Variants in ZCCHC7 observed in about 807,000 individuals in gnomAD.
ZCCHC7 encodes the protein zinc finger CCHC-type containing 7.
In ZCCHC7, 35 loss-of-function variants were observed where a neutral mutation model predicts 52.0. The ratio of observed to expected loss-of-function variants is 0.67; its 90% confidence interval spans 0.51 to 0.89. The LOEUF is 0.89. ZCCHC7 is among the 40% of genes least tolerant of loss of function. The pLI is 0.00. For missense variants in ZCCHC7, 574 were observed against 649.1 expected (o/e 0.88, Z 1.26); for synonymous variants, 217 against 221.5 (o/e 0.98, Z 0.18).
chr9:37,347,069 C>A (rs1821028116), intron 6 of ZCCHC7, among the ~76,000 whole-genome samples: 1 of 152,130 alleles, frequency 6.6e-6, no homozygotes. Flanking sequence ...ATAAAGTGAT[C>A]CACGTTTAAG....
chr9:37,220,567 A>G (rs1038680879), intron 2 of ZCCHC7, among the ~76,000 whole-genome samples: 1 of 152,152 alleles, frequency 6.6e-6, no homozygotes, highest in Non-Finnish European at 1.5e-5. Context: ...AGGGCATCAC[A>G]TGATATTGCC....
chr9:37,183,962 A>G (rs1329927079), intron 2 of ZCCHC7, among the ~76,000 whole-genome samples: 1 of 152,154 alleles, frequency 6.6e-6, no homozygotes. Context: ...AGCTCCTTCT[A>G]TGGCCTTGAG....
intron 2 of ZCCHC7, among the ~76,000 whole-genome samples, chr9:37,149,345 T>C (rs558645481): frequency 1.6e-4 from 25 of 152,318 alleles, no homozygotes; most frequent in African/African-American, 6.0e-4. Context: ...AGAATATCTG[T>C]ATTGAATATC....
intron 6 of ZCCHC7, among the ~76,000 whole-genome samples, chr9:37,331,781 C>G (rs925586098): frequency 6.6e-6 from 1 of 151,410 alleles, no homozygotes; most frequent in East Asian, 1.9e-4. Context: ...CTGAGAGGTC[C>G]TTGGCTACAT....
intron 2 of ZCCHC7, among the ~76,000 whole-genome samples, chr9:37,134,034 A>C (rs938872285): frequency 2.0e-5 from 3 of 151,608 alleles, no homozygotes; most frequent in African/African-American, 4.8e-5. Flanking sequence ...GAAACGTACT[A>C]TATATATATA....
At chr9:37,216,701 A>G (rs1233144185) in intron 2 of ZCCHC7, among the ~76,000 whole-genome samples, 1 of 152,146 alleles carries the variant, frequency 6.6e-6, no homozygotes, top group Non-Finnish European at 1.5e-5. Context: ...ATAAATAAAA[A>G]GTGTATCTTA....
chr9:37,235,048 G>A (rs1277663214), intron 2 of ZCCHC7, among the ~76,000 whole-genome samples: 1 of 152,154 alleles, frequency 6.6e-6, no homozygotes, highest in Non-Finnish European at 1.5e-5. Flanking sequence ...GGGTAGTAGT[G>A]TATCCATCAC....
At chr9:37,222,328 AGTGTGTGT>A (rs74182938) in intron 2 of ZCCHC7, among the ~76,000 whole-genome samples, 19,644 of 132,978 alleles carry the variant, frequency 0.15, 1,466 homozygotes, top group East Asian at 0.17. Flanking sequence ...AGAATAACAG[AGTGTGTGT>A]GTGTGTGTGT....
chr9:37,129,201 C>G (rs550063564), intron 2 of ZCCHC7, among the ~76,000 whole-genome samples: 23 of 152,276 alleles, frequency 1.5e-4, no homozygotes, highest in Middle Eastern at 3.4e-3. Context: ...GTTGATGGCA[C>G]AATGTGGATA....
intron 2 of ZCCHC7, among the ~76,000 whole-genome samples, chr9:37,223,640 C>CT (rs1246764985): frequency 1.3e-5 from 2 of 151,964 alleles, no homozygotes; most frequent in African/African-American, 4.8e-5. Context: ...GATGACAAAT[C>CT]TTACGTTTTA....
At chr9:37,299,507 A>C (rs571623282) in intron 2 of ZCCHC7, among the ~76,000 whole-genome samples, 6 of 152,364 alleles carry the variant, frequency 3.9e-5, no homozygotes, top group African/African-American at 1.4e-4. Flanking sequence ...ATTTCTATCA[A>C]GTACCATACC....
intron 2 of ZCCHC7, among the ~76,000 whole-genome samples, chr9:37,174,420 A>G (rs188686462): frequency 1.1e-4 from 17 of 152,326 alleles, no homozygotes; most frequent in Admixed American, 2.0e-4. Flanking sequence ...AGGAAATAAC[A>G]TGAATGTCCA....
At chr9:37,193,902 G>T (rs950910067) in intron 2 of ZCCHC7, among the ~76,000 whole-genome samples, 1 of 152,142 alleles carries the variant, frequency 6.6e-6, no homozygotes, top group Non-Finnish European at 1.5e-5. Context: ...AGCTTGTCCT[G>T]TGTGACCCTT....
chr9:37,185,965 A>G (rs1346847124), intron 2 of ZCCHC7, among the ~76,000 whole-genome samples: 1 of 151,906 alleles, frequency 6.6e-6, no homozygotes, highest in Non-Finnish European at 1.5e-5. Context: ...ATTTCAGCCA[A>G]TTTGCTAAGC....
intron 2 of ZCCHC7, among the ~76,000 whole-genome samples, chr9:37,297,509 TTGTATGCTGAATCA>T (rs1190115970): frequency 1.3e-5 from 2 of 152,252 alleles, no homozygotes; most frequent in African/African-American, 2.4e-5. Context: ...TTCTAGTTCA[TTGTATGCTGAATCA>T]TACATACCTA....
chr9:37,291,659 T>C (rs1368481802), intron 2 of ZCCHC7, among the ~76,000 whole-genome samples: 1 of 152,126 alleles, frequency 6.6e-6, no homozygotes, highest in Non-Finnish European at 1.5e-5. Context: ...TGAAAATGTT[T>C]TACAGTTTTT....
chr9:37,319,925 A>C (rs1256294186), intron 5 of ZCCHC7, among the ~76,000 whole-genome samples: 3 of 152,220 alleles, frequency 2.0e-5, no homozygotes, highest in Non-Finnish European at 4.4e-5. Context: ...CATCTTTGTC[A>C]AAGGTCAATT....
chr9:37,313,887 A>G (rs1829701639), intron 5 of ZCCHC7, among the ~76,000 whole-genome samples: 1 of 152,220 alleles, frequency 6.6e-6, no homozygotes, highest in Non-Finnish European at 1.5e-5. Context: ...CCCCAGTGTC[A>G]GGTAATTCTT....
Position 37,356,891 on chromosome 9 carries a change from G to A in ZCCHC7, c.1255G>A (p.Ala419Thr). The A allele has an allele frequency of 2.5e-6, 4 of 1,612,388 alleles. No homozygotes were observed. Among genetic ancestry groups the A allele is most frequent in the Non-Finnish European group, 3.4e-6 (4 of 1,179,654 alleles). ...ATCCAAGCTACCTTATATAAAAGCAGCAAATGAGAACCCCCACCATGATAT... is the reference window on the plus strand; with the variant it reads ...ATCCAAGCTACCTTATATAAAAGCAACAAATGAGAACCCCCACCATGATAT... ...EPSKLPYIKA[A>T]NENPHHDIRK... The change falls in exon 9 of 9, where the codon GCA (alanine) becomes ACA (threonine). Residue 419 changes from alanine to threonine, a missense_variant. Ala to Thr is a moderately conservative substitution (Grantham distance 58). Around this residue, in one of 3 missense-constraint regions of ZCCHC7, gnomAD observed 168 missense variants for 171.6 expected, o/e 0.98. Transcript: ENST00000336755.
Sources: allele counts gnomAD v4.1 joint callset (sites outside exome capture counted in the v4.1 genomes callset), GRCh38; gene constraint gnomAD v4.1.1; regional missense constraint gnomAD v4.1.1; transcripts MANE v1.5; gene names NCBI Gene and HGNC (gene_info 2026-07-23, HGNC 2026-07-21).